INTS4: variants seen among roughly 807,000 people sequenced by gnomAD.
INTS4 encodes integrator complex subunit 4.
A neutral mutation model predicts 119.5 loss-of-function variants in INTS4; 70 were observed. That is an observed-to-expected ratio of 0.59 (90% CI 0.48 to 0.71). The LOEUF (loss-of-function observed/expected upper bound fraction) is 0.71, where lower values mean the gene tolerates loss of function less well. Among genes scored for constraint, INTS4 ranks in the 30% least tolerant of loss-of-function variants. The probability of loss-of-function intolerance (pLI) is 0.00; values close to 1 mark genes in which losing one functional copy is unlikely to be tolerated. For synonymous variants in INTS4, 316 were observed against 419.6 expected (o/e 0.75, Z 3.02); for missense variants, 867 against 1,173.2 (o/e 0.74, Z 3.81).
downstream of INTS4, among the ~76,000 whole-genome samples, chr11:77,876,017 GC>G (rs2136334097): frequency 6.6e-6 from 1 of 152,314 alleles, no homozygotes; most frequent in South Asian, 2.1e-4. Context: ...AAGGGACTGA[GC>G]AGGGGAATGG....
chr11:77,971,510 C>T (rs953227835), intron 4 of INTS4, among the ~76,000 whole-genome samples: 1 of 151,804 alleles, frequency 6.6e-6, no homozygotes, highest in African/African-American at 2.4e-5. Context: ...CAGCTGGGCA[C>T]ACGCCTGTAA....
In INTS4 at chr11:77,879,062, G is replaced by T. The variant is rs770220271; in HGVS notation, c.2779C>A (p.Pro927Thr). The T allele has an allele frequency of 6.2e-7, 1 of 1,613,992 alleles. No homozygotes were observed. Among genetic ancestry groups the T allele is most frequent in the East Asian group, 2.2e-5 (1 of 44,900 alleles). Residue 927 changes from proline (P) to threonine (T), a missense_variant, in exon 23 of 23, where the codon CCC becomes ACC. Physicochemically the swap from Pro to Thr is conservative, Grantham distance 38. Coordinates refer to ENST00000534064, the MANE Select transcript of INTS4 (RefSeq NM_033547.4). The stretch of plus-strand genomic sequence containing the variant: ...GACATCTCACCACCCTCCATCCAGG[G>T]GCATTTTGGAATGCGAGCACTGGAG... ...YNSSARIPKC[P>T]WMEGGEMSPQ...
chr11:77,923,315 C>CA (rs35475320), intron 12 of INTS4, among the ~76,000 whole-genome samples: 35,695 of 87,962 alleles, frequency 0.41, 7,242 homozygotes, highest in African/African-American at 0.46. Flanking sequence ...GACTCTGTCT[C>CA]AAAAAAAAAA....
chr11:77,966,969 C>T lies in INTS4; in HGVS notation c.472-5831G>A, dbSNP rs569700720. Among the ~76,000 whole-genome samples, 3 of 152,248 alleles carry T rather than the reference C, an allele frequency of 2.0e-5. No individual in the cohort carries two copies. In the East Asian group the frequency reaches 5.8e-4, roughly 29 times the overall value. On this transcript the variant is annotated intron_variant, in intron 4 of 22. Transcript: ENST00000534064. ...CTGCACTATTTTGCACTACTACTAC[C>T]AATGCACAAGGGTTCCAATCCTTGC...
At chr11:77,876,402 C>CT (rs71272225), downstream of INTS4, among the ~76,000 whole-genome samples, 23,472 of 144,862 alleles carry the variant, frequency 0.16, 1,896 homozygotes, top group Admixed American at 0.22. Flanking sequence ...ATAAAAAGGT[C>CT]TTTTTTTTTT....
In INTS4 at chr11:77,980,093, G is replaced by T. The variant is rs535243452; in HGVS notation, c.365-991C>A. On this transcript the variant is annotated intron_variant, in intron 3 of 22. Coordinates refer to ENST00000534064, the MANE Select transcript of INTS4 (RefSeq NM_033547.4). The stretch of plus-strand genomic sequence containing the variant: ...ACATACATACCAGGCCTTCCATGTT[G>T]TCTACCCTTGCCTATCTTTCTAGCT... Among the ~76,000 whole-genome samples the T allele has an allele frequency of 5.3e-5, 8 of 150,090 alleles. No homozygotes were observed. The South Asian group carries it at 1.7e-3, about 32-fold the overall frequency.
intron 8 of INTS4, among the ~76,000 whole-genome samples, chr11:77,948,902 C>T (rs1448267819): frequency 6.6e-6 from 1 of 151,800 alleles, no homozygotes; most frequent in Non-Finnish European, 1.5e-5. Context: ...TATACCAAAA[C>T]CTACGGTATG....
chr11:77,907,844 G>C, intron 15 of INTS4, 34 bp from the exon 16 acceptor site: 1 of 1,349,468 alleles, frequency 7.4e-7, no homozygotes, highest in Non-Finnish European at 1.1e-6. Context: ...GCAAACACAG[G>C]ATAAGGATAA....
chr11:77,993,306 G>C (rs1025899352), intron 1 of INTS4, among the ~76,000 whole-genome samples: 1 of 152,210 alleles, frequency 6.6e-6, no homozygotes, highest in African/African-American at 2.4e-5. Flanking sequence ...GTGAAGAAGA[G>C]ACTAAGCTCT....
At chr11:77,876,848 C>T, downstream of INTS4, 1 of 620,250 alleles carries the variant, frequency 1.6e-6, no homozygotes, top group Non-Finnish European at 2.9e-6. Flanking sequence ...AAAAGGGGTA[C>T]TTATCTGAAA....
chr11:77,965,008 T>C (rs1480285403), intron 4 of INTS4, among the ~76,000 whole-genome samples: 1 of 152,206 alleles, frequency 6.6e-6, no homozygotes, highest in Non-Finnish European at 1.5e-5. Context: ...ATCAAGCTAA[T>C]TAACATATAT....
At chr11:77,979,231 G>A in intron 3 of INTS4, 129 bp from the exon 4 acceptor site, 1 of 550,814 alleles carries the variant, frequency 1.8e-6, no homozygotes, top group Non-Finnish European at 3.4e-6. Context: ...AGCACTTTGA[G>A]AAGCCTAGGC....
At chr11:77,931,024 A>G (rs1953635553) in intron 10 of INTS4, among the ~76,000 whole-genome samples, 1 of 152,216 alleles carries the variant, frequency 6.6e-6, no homozygotes, top group Non-Finnish European at 1.5e-5. Flanking sequence ...ACTATCCCCC[A>G]GGCTTACAAA....
intron 2 of INTS4, 97 bp from the exon 3 acceptor site, chr11:77,981,673 A>G: frequency 1.9e-6 from 1 of 516,334 alleles, no homozygotes; most frequent in Non-Finnish European, 3.4e-6. Context: ...AGATTCAATG[A>G]TCCAAGTATT....
chr11:77,955,147 C>G (rs1190260075), intron 8 of INTS4, among the ~76,000 whole-genome samples: 4 of 152,016 alleles, frequency 2.6e-5, no homozygotes, highest in Non-Finnish European at 5.9e-5. Flanking sequence ...CAAGACCAGC[C>G]TGGGCACAAA....
At position 77,904,751 on chromosome 11, in the gene INTS4, C is replaced by T. The variant is rs548166747; in HGVS notation, c.2017-1131G>A. The stretch of plus-strand genomic sequence containing the variant: ...TGGGGATTAGATCATAATCCCAAAA[C>T]ATACAATCCCAAATGTTGAAATCCT... On this transcript the variant is annotated intron_variant, in intron 16 of 22. Transcript: ENST00000534064. Among the ~76,000 whole-genome samples, 11 of 152,284 alleles carry T rather than the reference C, an allele frequency of 7.2e-5. No homozygotes were observed. In the South Asian group the frequency reaches 2.1e-3, roughly 29 times the overall value.
intron 18 of INTS4, chr11:77,900,556 T>A (rs1379090804): frequency 1.5e-6 from 1 of 671,628 alleles, no homozygotes; most frequent in African/African-American, 1.8e-5. Context: ...TGGCACTTTT[T>A]TTTTTTTGAC....
chr11:77,895,787 G>A (rs1591023072), intron 18 of INTS4, among the ~76,000 whole-genome samples: 1 of 152,012 alleles, frequency 6.6e-6, no homozygotes, highest in East Asian at 1.9e-4. Flanking sequence ...AATACAAAAA[G>A]ATTTGGGAAC....
intron 21 of INTS4, among the ~76,000 whole-genome samples, chr11:77,889,452 C>T (rs957120703): frequency 3.3e-5 from 5 of 151,668 alleles, no homozygotes; most frequent in African/African-American, 1.2e-4. Flanking sequence ...TGCTAGATGA[C>T]GAGTTAATGG....
Sources: gnomAD v4.1 joint callset for allele counts (sites outside exome capture counted in the v4.1 genomes callset) on GRCh38, gnomAD v4.1.1 for gene constraint, MANE v1.5 for transcripts, NCBI Gene and HGNC (gene_info 2026-07-23, HGNC 2026-07-21) for gene names.